Variants in MARCHF1 observed in about 807,000 individuals in gnomAD.
MARCHF1 encodes membrane associated ring-CH-type finger 1, also known as E3 ubiquitin-protein ligase MARCHF1.
MARCHF1 carries 40 observed loss-of-function variants against 54.2 expected under a neutral mutation model. That is an observed-to-expected ratio of 0.74 (90% CI 0.57 to 0.96). The LOEUF is 0.96. Ranked by LOEUF, MARCHF1 falls within the 40% of genes least tolerant of loss-of-function variation. MARCHF1 has a pLI of 0.00. For synonymous variants in MARCHF1, 236 were observed against 236.3 expected (o/e 1.00, Z 0.01); for missense variants, 586 against 656.5 (o/e 0.89, Z 1.17).
chr4:164,260,202 G>A (rs1033546637), intron 1 of MARCHF1, among the ~76,000 whole-genome samples: 4 of 152,106 alleles, frequency 2.6e-5, no homozygotes, highest in African/African-American at 9.7e-5. Context: ...CATAGGTGCT[G>A]TAAACACATG....
chr4:164,165,874 C>T (rs1730367349), intron 1 of MARCHF1, among the ~76,000 whole-genome samples: 2 of 151,946 alleles, frequency 1.3e-5, no homozygotes, highest in Non-Finnish European at 2.9e-5. Flanking sequence ...AACAAGTAGT[C>T]AGTGGGTCAC....
chr4:164,241,041 A>C (rs1301524501), intron 1 of MARCHF1, among the ~76,000 whole-genome samples: 1 of 152,042 alleles, frequency 6.6e-6, no homozygotes, highest in Non-Finnish European at 1.5e-5. Flanking sequence ...ACTATCGTAA[A>C]ACCTAAGATT....
intron 7 of MARCHF1, among the ~76,000 whole-genome samples, chr4:163,596,912 A>G (rs564179942): frequency 3.3e-4 from 50 of 152,212 alleles, no homozygotes; most frequent in Admixed American, 9.8e-4. Context: ...CCCAGTGTGT[A>G]GGGAATCCAG....
chr4:164,207,591 T>C (rs1731646108), intron 1 of MARCHF1, among the ~76,000 whole-genome samples: 1 of 152,130 alleles, frequency 6.6e-6, no homozygotes, highest in African/African-American at 2.4e-5. Context: ...CTGGGGGGAC[T>C]GAGGTGAGGC....
intron 1 of MARCHF1, among the ~76,000 whole-genome samples, chr4:164,150,503 A>G (rs1173417224): frequency 6.6e-6 from 1 of 152,144 alleles, no homozygotes; most frequent in African/African-American, 2.4e-5. Flanking sequence ...GTCTAATTGG[A>G]AAAAATAAAT....
chr4:163,902,793 CTTT>C (rs531514565), intron 3 of MARCHF1, among the ~76,000 whole-genome samples: 1 of 152,078 alleles, frequency 6.6e-6, no homozygotes. Flanking sequence ...CAAATAAATG[CTTT>C]TTTTAGCCTC....
intron 3 of MARCHF1, among the ~76,000 whole-genome samples, chr4:163,886,996 G>A (rs932679141): frequency 1.3e-5 from 2 of 152,034 alleles, no homozygotes; most frequent in African/African-American, 4.8e-5. Context: ...CCTCTCTTGA[G>A]CTCTGGACCC....
chr4:164,293,399 A>T (rs548123268), intron 1 of MARCHF1, among the ~76,000 whole-genome samples: 21 of 152,354 alleles, frequency 1.4e-4, no homozygotes, highest in African/African-American at 4.6e-4. Context: ...GCCAGGGTAT[A>T]ACAAATTAAG....
chr4:163,931,225 G>A (rs1252983449), intron 3 of MARCHF1, among the ~76,000 whole-genome samples: 2 of 152,140 alleles, frequency 1.3e-5, no homozygotes, highest in Non-Finnish European at 2.9e-5. Context: ...ATAAATTTCT[G>A]TTGTTTAAGT....
intron 1 of MARCHF1, among the ~76,000 whole-genome samples, chr4:164,351,931 T>G (rs2110887990): frequency 1.3e-5 from 2 of 149,778 alleles, no homozygotes; most frequent in South Asian, 4.3e-4. Context: ...CTGATGGAGC[T>G]GAAAACCAAG....
intron 8 of MARCHF1, among the ~76,000 whole-genome samples, chr4:163,545,944 CAT>C (rs1491531342): frequency 7.5e-4 from 90 of 120,132 alleles, no homozygotes; most frequent in Admixed American, 2.9e-3. Flanking sequence ...AACTTAAATA[CAT>C]ATGTGTGTGT....
At position 164,024,252 on chromosome 4, in the gene MARCHF1, C is replaced by A. The variant is rs1475033847; in HGVS notation, c.-247-35543G>T. Among the ~76,000 whole-genome samples, 4 of 152,094 alleles carry A rather than the reference C, an allele frequency of 2.6e-5. No homozygotes were observed. The South Asian group carries it at 8.3e-4, about 32-fold the overall frequency. On this transcript the variant is annotated intron_variant, in intron 2 of 9. Coordinates refer to ENST00000514618, the MANE Select transcript of MARCHF1 (RefSeq NM_001394959.1). Reference sequence around the variant, plus strand: ...AATATAAAGTACCCCTGCTAGATACCATACAAGTTGACCACCCCTCAAGTA... The same window carrying A: ...AATATAAAGTACCCCTGCTAGATACAATACAAGTTGACCACCCCTCAAGTA...
intron 2 of MARCHF1, among the ~76,000 whole-genome samples, chr4:164,099,583 T>C (rs1197782159): frequency 6.6e-6 from 1 of 152,162 alleles, no homozygotes; most frequent in East Asian, 1.9e-4. Flanking sequence ...CAATGAAGCA[T>C]AAAACTTCTT....
intron 1 of MARCHF1, among the ~76,000 whole-genome samples, chr4:164,378,086 C>T (rs536469363): frequency 6.6e-6 from 1 of 152,272 alleles, no homozygotes; most frequent in East Asian, 1.9e-4. Context: ...CAGAAGAGGT[C>T]AAGACTAGAA....
chr4:163,573,358 A>T (rs1218780690), intron 8 of MARCHF1, among the ~76,000 whole-genome samples: 9 of 150,924 alleles, frequency 6.0e-5, no homozygotes, highest in South Asian at 2.1e-4. Flanking sequence ...CATGTGCACA[A>T]TGTGCAGGTT....
At chr4:163,860,396 G>A (rs946769784) in intron 3 of MARCHF1, among the ~76,000 whole-genome samples, 1 of 152,072 alleles carries the variant, frequency 6.6e-6, no homozygotes, top group African/African-American at 2.4e-5. Flanking sequence ...ACTAGCAGGG[G>A]AAGAGGATAA....
At chr4:163,839,791 A>G (rs1446618135) in intron 4 of MARCHF1, among the ~76,000 whole-genome samples, 6 of 152,132 alleles carry the variant, frequency 3.9e-5, no homozygotes, top group Non-Finnish European at 7.4e-5. Flanking sequence ...GATTTAGATT[A>G]TACCGATGAT....
intron 2 of MARCHF1, among the ~76,000 whole-genome samples, chr4:164,091,742 C>G (rs942445141): frequency 6.6e-6 from 1 of 151,820 alleles, no homozygotes; most frequent in South Asian, 2.1e-4. Flanking sequence ...TGACTAAATA[C>G]TGGATATGTG....
intron 2 of MARCHF1, among the ~76,000 whole-genome samples, chr4:164,110,666 A>G (rs1290988557): frequency 6.6e-6 from 1 of 151,138 alleles, no homozygotes; most frequent in East Asian, 1.9e-4. Flanking sequence ...AGGCGATACA[A>G]TCATATTTTT....
Sources: allele counts gnomAD v4.1 joint callset (sites outside exome capture counted in the v4.1 genomes callset), GRCh38; gene constraint gnomAD v4.1.1; transcripts MANE v1.5; gene names NCBI Gene and HGNC (gene_info 2026-07-23, HGNC 2026-07-21).